Variants in ELP3 observed in about 807,000 individuals in gnomAD.
The protein encoded by ELP3 is elongator complex protein 3.
ELP3 carries 56 observed loss-of-function variants against 74.9 expected under a neutral mutation model. That is an observed-to-expected ratio of 0.75 (90% confidence interval 0.60 to 0.93). The LOEUF is 0.93. Ranked by LOEUF, ELP3 falls within the 40% of genes least tolerant of loss-of-function variation. ELP3 has a pLI of 0.00. For missense variants in ELP3, 573 were observed against 686.5 expected, an observed-to-expected ratio of 0.83 and a Z score of 1.85; for synonymous variants, 222 against 239.8, an observed-to-expected ratio of 0.93 and a Z score of 0.68.
In ELP3 at chr8:28,137,856, C is replaced by T. The variant is rs745611847; in HGVS notation, c.1065C>T (p.Leu355=). ...AATTGGTGGCTCGGATCCTAGCCCT[C>T]GTGCCTCCATGGACTCGAGTGTACC... The part of the protein sequence containing the change: ...LVELVARILA[L]VPPWTRVYRV... Residue 355 remains leucine (L), a synonymous_variant, in exon 10 of 15, where the codon CTC becomes CTT. Transcript: ENST00000256398. The T allele has an allele frequency of 3.1e-5, 50 of 1,613,068 alleles. No individual in the cohort carries two copies. The East Asian group carries it at 4.0e-4, about 13-fold the overall frequency.
At position 28,106,729 on chromosome 8, in the gene ELP3, T is replaced by C; in HGVS notation, c.275T>C (p.Val92Ala). 6.2e-7 allele frequency: 1 copy of C among 1,612,902 alleles called. No homozygotes were observed. Among genetic ancestry groups the C allele is most frequent in the Non-Finnish European group, 8.5e-7 (1 of 1,179,700 alleles). ...RTASGIAVVA[V>A]MCKPHRCPHI... Reference sequence around the variant, plus strand: ...CTTTTATAGATTGCTGTCGTGGCTGTGATGTGCAAACCCCACAGATGTCCA... The same window carrying C: ...CTTTTATAGATTGCTGTCGTGGCTGCGATGTGCAAACCCCACAGATGTCCA... The change falls in exon 4 of 15, where the codon GTG becomes GCG. Residue 92 changes from valine (V) to alanine (A), a missense_variant. Coordinates refer to ENST00000256398, the MANE Select transcript of ELP3 (RefSeq NM_018091.6).
chr8:28,110,414 ACAGAC>A lies in ELP3; in HGVS notation c.439_443del (p.Gln147LysfsTer13). 1.9e-6 allele frequency: 3 copies of A among 1,613,848 alleles called. No homozygotes were observed. Among genetic ancestry groups the A allele is most frequent in the Non-Finnish European group, 2.5e-6 (3 of 1,179,890 alleles). ...TCCGTGCCAGATATGACCCTTTCCTACAGACAAGACACCGAATAGAACAGGTACAT... is the reference window on the plus strand; with the variant it reads ...TCCGTGCCAGATATGACCCTTTCCTAAAGACACCGAATAGAACAGGTACAT... On this transcript the variant is annotated frameshift_variant, in exon 6 of 15. Coordinates refer to ENST00000256398, the MANE Select transcript of ELP3 (RefSeq NM_018091.6). LOFTEE classifies it high-confidence loss of function.
At chr8:28,162,144 A>G (rs1367242427) in intron 14 of ELP3, 66 bp downstream of exon 14, 9 of 1,511,412 alleles carry the variant, frequency 6.0e-6, no homozygotes, top group Middle Eastern at 1.7e-4. Context: ...AGTGAAAACT[A>G]TGTTGGTACC....
At chr8:28,165,320 A>G (rs1398530087) in intron 14 of ELP3, among the ~76,000 whole-genome samples, 1 of 152,154 alleles carries the variant, frequency 6.6e-6, no homozygotes. Flanking sequence ...TTCATCAATA[A>G]TAGATCTCGG....
At chr8:28,138,763 G>C (rs1172883586) in intron 10 of ELP3, among the ~76,000 whole-genome samples, 1 of 152,190 alleles carries the variant, frequency 6.6e-6, no homozygotes, top group Non-Finnish European at 1.5e-5. Flanking sequence ...TAACTGACTT[G>C]CTTGAAGGTC....
chr8:28,160,533 GAA>G, intron 13 of ELP3, 77 bp downstream of exon 13: 1 of 1,262,168 alleles, frequency 7.9e-7, no homozygotes, highest in South Asian at 1.4e-5. Flanking sequence ...GGGGTGAAGA[GAA>G]GAGGAAGAGG....
upstream of ELP3, chr8:28,090,298 G>A: frequency 2.5e-6 from 1 of 407,920 alleles, no homozygotes; most frequent in African/African-American, 2.1e-5. Flanking sequence ...CCAGGCTGTT[G>A]CTTCCTGGTC....
intron 11 of ELP3, among the ~76,000 whole-genome samples, chr8:28,157,008 C>T (rs1419089901): frequency 6.6e-6 from 1 of 152,146 alleles, no homozygotes; most frequent in African/African-American, 2.4e-5. Flanking sequence ...TCCAAGGCTC[C>T]AGCTGTTTGT....
At chr8:28,123,942 T>C (rs776950120) in intron 7 of ELP3, among the ~76,000 whole-genome samples, 1 of 150,810 alleles carries the variant, frequency 6.6e-6, no homozygotes, top group African/African-American at 2.5e-5. Context: ...AGTAATTGGC[T>C]CTTTTTTTTT....
chr8:28,116,803 T>G (rs892622696), intron 7 of ELP3, among the ~76,000 whole-genome samples: 1 of 152,226 alleles, frequency 6.6e-6, no homozygotes, highest in Admixed American at 6.5e-5. Flanking sequence ...AATGCTGAAG[T>G]CTTCAAACTT....
At position 28,162,013 on chromosome 8, in the gene ELP3, T is replaced by C; in HGVS notation, c.1502T>C (p.Leu501Pro). 1 of 1,614,170 alleles carries C rather than the reference T, an allele frequency of 6.2e-7. No individual in the cohort carries two copies. Among genetic ancestry groups the C allele is most frequent in the Non-Finnish European group, 8.5e-7 (1 of 1,180,002 alleles). Reference sequence around the variant, plus strand: ...TCCGTGCAGGGATTTGGCATGCTGCTGATGGAGGAAGCAGAAAGAATAGCT... The same window carrying C: ...TCCGTGCAGGGATTTGGCATGCTGCCGATGGAGGAAGCAGAAAGAATAGCT... ...KFQHQGFGMLLMEEAERIARE... is the reference protein window; with the variant it reads ...KFQHQGFGMLPMEEAERIARE... The change falls in exon 14 of 15, where the codon CTG becomes CCG. Residue 501 changes from leucine (L) to proline (P), a missense_variant. Physicochemically the swap from Leu to Pro is moderately conservative, Grantham distance 98. Coordinates refer to ENST00000256398, the MANE Select transcript of ELP3 (RefSeq NM_018091.6).
chr8:28,102,132 A>G (rs1203100861), intron 3 of ELP3, among the ~76,000 whole-genome samples: 1 of 152,008 alleles, frequency 6.6e-6, no homozygotes, highest in Non-Finnish European at 1.5e-5. Context: ...TGGTAACCTC[A>G]TCCATTTGAT....
intron 3 of ELP3, among the ~76,000 whole-genome samples, chr8:28,103,997 G>A (rs560410166): frequency 1.3e-5 from 2 of 152,322 alleles, no homozygotes; most frequent in African/African-American, 4.8e-5. Flanking sequence ...CCAAAGTGCT[G>A]TGATTATAGG....
intron 14 of ELP3, among the ~76,000 whole-genome samples, chr8:28,166,004 A>T (rs577553390): frequency 3.3e-5 from 5 of 152,158 alleles, no homozygotes; most frequent in Non-Finnish European, 7.4e-5. Flanking sequence ...CTTTAGGTTT[A>T]TTCTGTTTTT....
In ELP3 at chr8:28,129,534, G is replaced by T. The variant is rs1812709617; in HGVS notation, c.650G>T (p.Gly217Val). Residue 217 changes from glycine to valine, a missense_variant, in exon 8 of 15, where the codon GGA becomes GTA. Gly to Val is a moderately radical substitution (Grantham distance 109). Transcript: ENST00000256398. ...YSERSLTKCI[G>V]ITIETRPDYC... is the part of the protein sequence containing the mutation. ...GAGAGAAGCCTCACAAAGTGTATTGGAATTACTATTGAAACCAGACCAGAT... is the reference window on the plus strand; with the variant it reads ...GAGAGAAGCCTCACAAAGTGTATTGTAATTACTATTGAAACCAGACCAGAT... 2 of 1,614,068 alleles carry T rather than the reference G, an allele frequency of 1.2e-6. No homozygotes were observed. Among genetic ancestry groups the T allele is most frequent in the African/African-American group, 1.3e-5 (1 of 74,928 alleles).
chr8:28,153,781 G>A (rs1213858010), intron 10 of ELP3, among the ~76,000 whole-genome samples: 1 of 152,146 alleles, frequency 6.6e-6, no homozygotes, highest in Non-Finnish European at 1.5e-5. Flanking sequence ...TAACAGAGCT[G>A]ATGAGAGTTT....
chr8:28,111,331 G>A (rs763157220), intron 6 of ELP3, among the ~76,000 whole-genome samples: 8 of 152,122 alleles, frequency 5.3e-5, no homozygotes, highest in Non-Finnish European at 8.8e-5. Flanking sequence ...CAAGAAATCT[G>A]AACATTAATA....
At chr8:28,110,053 GT>G (rs1811852176) in intron 5 of ELP3, among the ~76,000 whole-genome samples, 1 of 152,142 alleles carries the variant, frequency 6.6e-6, no homozygotes, top group Admixed American at 6.5e-5. Flanking sequence ...TATGATTCTG[GT>G]ATATGTATGC....
At chr8:28,176,831 G>A (rs1344162727) in intron 14 of ELP3, among the ~76,000 whole-genome samples, 2 of 152,128 alleles carry the variant, frequency 1.3e-5, no homozygotes, top group African/African-American at 4.8e-5. Context: ...AATGATGTGT[G>A]ACATAGCAAA....
Sources: allele counts gnomAD v4.1 joint callset (sites outside exome capture counted in the v4.1 genomes callset), GRCh38; gene constraint gnomAD v4.1.1; transcripts MANE v1.5; gene names NCBI Gene and HGNC (gene_info 2026-07-23, HGNC 2026-07-21).